The following FBLN2 variants were observed in gnomAD, a reference collection of about 807,000 sequenced individuals.
FBLN2 encodes the protein fibulin-2.
FBLN2 carries 81 observed loss-of-function variants against 123.7 expected under a neutral mutation model. That is an observed-to-expected ratio of 0.65 (90% CI 0.55 to 0.79). FBLN2 has a LOEUF of 0.79. FBLN2 is among the 30% of genes least tolerant of loss of function. The pLI, the probability that FBLN2 is intolerant of heterozygous loss-of-function variation, is 0.00. For missense variants in FBLN2, 1,603 were observed against 1,681.3 expected (o/e 0.95, Z 0.81); for synonymous variants, 699 against 701.4 (o/e 1.00, Z 0.05).
chr3:13,571,317 A>T lies in FBLN2; in HGVS notation c.962A>T (p.Glu321Val), dbSNP rs1703942664. 6.2e-7 allele frequency: 1 copy of T among 1,600,732 alleles called. No individual in the cohort carries two copies. Among genetic ancestry groups the T allele is most frequent in the African/African-American group, 1.3e-5 (1 of 74,816 alleles). The stretch of plus-strand genomic sequence containing the variant: ...GCTGGACCCAGTCTTCCTATCCAGG[A>T]GGAGAGGGCAGAAGCTGGGGCAAGG... Reference protein sequence around the residue: ...APAGPSLPIQEERAEAGARAE... With the variant: ...APAGPSLPIQVERAEAGARAE... Residue 321 changes from glutamate (E) to valine (V), a missense_variant, in exon 2 of 18, where the codon GAG becomes GTG. Coordinates refer to ENST00000404922, the MANE Select transcript of FBLN2 (RefSeq NM_001004019.2).
At chr3:13,626,376 G>T (rs1331131884) in intron 9 of FBLN2, 69 bp from the exon 10 acceptor site, 2 of 1,439,852 alleles carry the variant, frequency 1.4e-6, no homozygotes, top group East Asian at 2.5e-5. Context: ...GTGGCCCAAG[G>T]TCTGCTGGCT....
intron 11 of FBLN2, 92 bp downstream of exon 11, chr3:13,628,061 C>A: frequency 2.0e-6 from 3 of 1,467,034 alleles, no homozygotes; most frequent in Middle Eastern, 1.9e-4. Context: ...CCAGGGAGGC[C>A]TGGCTTGCTG....
intron 16 of FBLN2, among the ~76,000 whole-genome samples, chr3:13,634,177 C>T (rs1706369771): frequency 6.6e-6 from 1 of 152,224 alleles, no homozygotes; most frequent in Admixed American, 6.5e-5. Flanking sequence ...CTGAATTTTG[C>T]AGGACTCCCC....
intron 2 of FBLN2, among the ~76,000 whole-genome samples, chr3:13,606,179 G>C (rs904541514): frequency 6.6e-6 from 1 of 152,152 alleles, no homozygotes; most frequent in African/African-American, 2.4e-5. Context: ...GGATACAGGC[G>C]TGAACCACCA....
intron 9 of FBLN2, among the ~76,000 whole-genome samples, chr3:13,624,988 C>A (rs1484094472): frequency 6.7e-6 from 1 of 149,542 alleles, no homozygotes; most frequent in African/African-American, 2.5e-5. Flanking sequence ...CCACTGTGGC[C>A]CGGGGGTGGT....
intron 2 of FBLN2, among the ~76,000 whole-genome samples, chr3:13,589,340 C>G (rs901638319): frequency 6.6e-6 from 1 of 152,168 alleles, no homozygotes; most frequent in African/African-American, 2.4e-5. Flanking sequence ...CTTTCCAGAG[C>G]TTTCTAAGGA....
chr3:13,596,604 C>T (rs1310998566), intron 2 of FBLN2, among the ~76,000 whole-genome samples: 1 of 152,122 alleles, frequency 6.6e-6, no homozygotes, highest in Non-Finnish European at 1.5e-5. Context: ...TGTGCTCTTC[C>T]AAGGCATAAA....
intron 2 of FBLN2, among the ~76,000 whole-genome samples, chr3:13,574,117 G>A (rs889941060): frequency 4.6e-5 from 7 of 152,194 alleles, no homozygotes; most frequent in Non-Finnish European, 8.8e-5. Flanking sequence ...CAGAGTCACC[G>A]TGTTGAGGGG....
intron 16 of FBLN2, among the ~76,000 whole-genome samples, chr3:13,634,244 C>G (rs2124913288): frequency 6.6e-6 from 1 of 152,352 alleles, no homozygotes; most frequent in East Asian, 1.9e-4. Context: ...GCGGCTGACC[C>G]TGGCTGTCTC....
rs1442869124 is a variant in FBLN2 at position 13,638,199 on chromosome 3, G to C, written c.*280G>C. ...GCTGGGTGATGACCTGAGGACCAGA[G>C]ACACGCGACCATGTTGGGGCTCTTG... On this transcript the variant is annotated 3_prime_UTR_variant, in exon 18 of 18. Transcript: ENST00000404922. 1 of 622,010 alleles carries C rather than the reference G, an allele frequency of 1.6e-6. No homozygotes were observed. Among genetic ancestry groups the C allele is most frequent in the Non-Finnish European group, 2.9e-6 (1 of 344,432 alleles). The allele number at this position is 622,010 out of a possible 1,614,324, so 38.5% of individuals were successfully genotyped here. A position where few individuals can be genotyped will look rare whatever the true frequency, so the allele number is the denominator to read the frequency against.
At chr3:13,620,482 A>G (rs1378904720) in intron 8 of FBLN2, among the ~76,000 whole-genome samples, 2 of 152,198 alleles carry the variant, frequency 1.3e-5, no homozygotes, top group Non-Finnish European at 2.9e-5. Flanking sequence ...TTAGCTGTCC[A>G]AGGATCACAT....
chr3:13,604,324 A>G (rs1200972430), intron 2 of FBLN2, among the ~76,000 whole-genome samples: 2 of 152,136 alleles, frequency 1.3e-5, no homozygotes, highest in Non-Finnish European at 2.9e-5. Flanking sequence ...TATGTCCTGA[A>G]TGGTATTGCC....
At chr3:13,597,560 C>T (rs552969252) in intron 2 of FBLN2, among the ~76,000 whole-genome samples, 1 of 152,332 alleles carries the variant, frequency 6.6e-6, no homozygotes, top group East Asian at 1.9e-4. Flanking sequence ...TTGGTGTGCT[C>T]CTTGTGGGTT....
At chr3:13,562,345 C>G (rs983241500) in intron 1 of FBLN2, among the ~76,000 whole-genome samples, 2 of 150,354 alleles carry the variant, frequency 1.3e-5, no homozygotes, top group African/African-American at 4.9e-5. Context: ...ATATACGTAA[C>G]ATGAAGTTTA....
chr3:13,625,060 C>T (rs769730657), intron 9 of FBLN2, among the ~76,000 whole-genome samples: 16 of 140,476 alleles, frequency 1.1e-4, no homozygotes, highest in Admixed American at 2.8e-4. Context: ...TCTGTGGCCC[C>T]GGGGCAGTTT....
intron 2 of FBLN2, among the ~76,000 whole-genome samples, chr3:13,598,279 C>A (rs964590194): frequency 2.0e-5 from 3 of 152,228 alleles, no homozygotes; most frequent in African/African-American, 7.2e-5. Context: ...ATGAGTCTTA[C>A]GTTCCCACTT....
intron 1 of FBLN2, among the ~76,000 whole-genome samples, chr3:13,564,622 G>A (rs546197524): frequency 6.6e-6 from 1 of 152,322 alleles, no homozygotes; most frequent in African/African-American, 2.4e-5. Context: ...TCTCATCAGA[G>A]CCAGAAGGGT....
rs761071884 is a variant in FBLN2, at chr3:13,636,582, CCCCAGT to C, written c.3338+26_3338+31del. 5 of 1,611,978 alleles carry C rather than the reference CCCCAGT, an allele frequency of 3.1e-6. No individual in the cohort carries two copies. The Admixed American group carries it at 6.7e-5, about 22-fold the overall frequency. ...AGTCTCCAAAACGTGAGTGTCCCCA[CCCCAGT>C]CCCAGTCCCAGGGAGCCTGTCCTGG... On this transcript the variant is annotated intron_variant, in intron 17 of 17. Coordinates refer to ENST00000404922, the MANE Select transcript of FBLN2 (RefSeq NM_001004019.2).
chr3:13,636,622 T>C (rs1706482346), intron 17 of FBLN2, 54 bp downstream of exon 17: 8 of 1,584,856 alleles, frequency 5.0e-6, no homozygotes, highest in Non-Finnish European at 6.0e-6. Context: ...GGTCCTGTAC[T>C]ATCCAGGGAG....
Sources: gnomAD v4.1 joint callset for allele counts (sites outside exome capture counted in the v4.1 genomes callset) on GRCh38, gnomAD v4.1.1 for gene constraint, MANE v1.5 for transcripts, NCBI Gene and HGNC (gene_info 2026-07-23, HGNC 2026-07-21) for gene names.